The following RHOBTB2 variants were observed in gnomAD, a reference collection of about 807,000 sequenced individuals.
RHOBTB2 encodes Rho related BTB domain containing 2.
In RHOBTB2, 39 loss-of-function variants were observed where a neutral mutation model predicts 66.5. That is an observed-to-expected ratio of 0.59 (90% CI 0.45 to 0.77). RHOBTB2 has a LOEUF of 0.77. Ranked by LOEUF, RHOBTB2 falls within the 30% of genes least tolerant of loss-of-function variation. The pLI, the probability that RHOBTB2 is intolerant of heterozygous loss-of-function variation, is 0.00. For synonymous variants in RHOBTB2, 390 were observed against 395.0 expected (o/e 0.99, Z 0.15); for missense variants, 755 against 999.1 (o/e 0.76, Z 3.29).
the RHOBTB2 span, among the ~76,000 whole-genome samples, chr8:22,954,781 T>C: frequency 5.3e-4 from 80 of 152,316 alleles, no homozygotes; most frequent in African/African-American, 1.9e-3. Flanking sequence ...CCACAAACTG[T>C]ACCAAGGAAA....
chr8:23,017,624 A>C lies in RHOBTB2; in HGVS notation c.*155A>C. The C allele has an allele frequency of 8.0e-7, 1 of 1,251,178 alleles. No individual in the cohort carries two copies. The highest frequency in any genetic ancestry group is 1.1e-6 in the Non-Finnish European group (1 of 918,742). The allele number at this position is 1,251,178 out of a possible 1,614,324, so 77.5% of individuals were successfully genotyped here. On this transcript the variant is annotated 3_prime_UTR_variant, in exon 10 of 10. Coordinates refer to ENST00000251822, the MANE Select transcript of RHOBTB2 (RefSeq NM_015178.3). The surrounding 1 kb of genome is among the most constrained non-coding windows in gnomAD (Gnocchi z 5.3). ...CTCTTCTTACCAGCCACCGTGGCTC[A>C]GCCAGAGAGGAGCTGAGCCCTGTGG...
the RHOBTB2 span, among the ~76,000 whole-genome samples, chr8:22,974,925 A>G: frequency 2.0e-5 from 3 of 151,970 alleles, no homozygotes; most frequent in East Asian, 3.9e-4. Context: ...AAGCGCCCCA[A>G]TTGTCCCTCT....
At chr8:22,964,117 T>G in the RHOBTB2 span, among the ~76,000 whole-genome samples, 1 of 151,952 alleles carries the variant, frequency 6.6e-6, no homozygotes, top group Non-Finnish European at 1.5e-5. Flanking sequence ...GTTTTGTTTT[T>G]TTGTTTGTTT....
At chr8:23,008,205 A>G in intron 6 of RHOBTB2, 94 bp downstream of exon 6, 1 of 851,492 alleles carries the variant, frequency 1.2e-6, no homozygotes, top group Non-Finnish European at 1.9e-6. Context: ...TTCTTCACTG[A>G]CTGTGTGCTA....
chr8:22,995,796 TG>T, upstream of RHOBTB2: 6 of 1,517,578 alleles, frequency 4.0e-6, no homozygotes, highest in Non-Finnish European at 5.4e-6. Flanking sequence ...TGGCAGGGGA[TG>T]GGGGGCGGAG....
the RHOBTB2 span, among the ~76,000 whole-genome samples, chr8:22,970,183 G>T: frequency 2.0e-5 from 3 of 152,214 alleles, no homozygotes; most frequent in African/African-American, 4.8e-5. Flanking sequence ...CAAGATTAAG[G>T]CACCAGCAGG....
In RHOBTB2 at chr8:22,990,161, G is replaced by A. The variant is rs377233337; in HGVS notation, c.-136-1907G>A. 7.9e-5 allele frequency among the ~76,000 whole-genome samples: 12 copies of A among 152,218 alleles called. No individual in the cohort carries two copies. The East Asian group carries it at 1.9e-3, about 24-fold the overall frequency. On this transcript the variant is annotated intron_variant, in intron 1 of 11. Coordinates refer to the RHOBTB2 transcript ENST00000519685. ...CTCTTGCACAGGGTGTGGCACTAGC[G>A]AGAGCTTAACATGCATTTGATAAAT...
chr8:23,008,779 G>C (rs992637295), intron 6 of RHOBTB2, among the ~76,000 whole-genome samples: 2 of 152,140 alleles, frequency 1.3e-5, no homozygotes, highest in Non-Finnish European at 2.9e-5. Context: ...AATAATGTTA[G>C]CCGGCTCTGG....
intron 2 of RHOBTB2, among the ~76,000 whole-genome samples, chr8:22,993,437 C>G (rs1286788007): frequency 6.6e-6 from 1 of 152,088 alleles, no homozygotes; most frequent in African/African-American, 2.4e-5. Context: ...CCCCCTTTAC[C>G]CAGGGCATGG....
At position 23,002,733 on chromosome 8, in the gene RHOBTB2, G is replaced by T. The variant is rs112401714; in HGVS notation, c.-10-1692G>T. ...AAAAACGGTTGTCTGCTGAGGGAGG[G>T]TTAGGAGAGAGAAGGGGTGGTACAG... On this transcript the variant is annotated intron_variant, in intron 1 of 9. Coordinates refer to ENST00000251822, the MANE Select transcript of RHOBTB2 (RefSeq NM_015178.3). 7.4e-3 allele frequency among the ~76,000 whole-genome samples: 1,134 copies of T among 152,240 alleles called. 17 individuals are homozygous for T. Among genetic ancestry groups the T allele is most frequent in the Middle Eastern group, 0.027 (8 of 294 alleles).
chr8:22,971,695 C>T, the RHOBTB2 span, among the ~76,000 whole-genome samples: 2 of 152,180 alleles, frequency 1.3e-5, no homozygotes, highest in South Asian at 2.1e-4. Context: ...ATGCTCACCT[C>T]CTTCGGTGTA....
chr8:23,005,310 G>T, intron 2 of RHOBTB2, 62 bp from the exon 3 acceptor site: 1 of 1,245,650 alleles, frequency 8.0e-7, no homozygotes, highest in Non-Finnish European at 1.2e-6. Context: ...TTATCCTGAG[G>T]TGGCACGCAG....
the RHOBTB2 span, among the ~76,000 whole-genome samples, chr8:22,973,819 C>T: frequency 6.6e-6 from 1 of 152,160 alleles, no homozygotes; most frequent in East Asian, 1.9e-4. Flanking sequence ...GAGGTACCCT[C>T]CTTCCTGGAG....
the RHOBTB2 span, among the ~76,000 whole-genome samples, chr8:22,951,183 A>T: frequency 6.8e-4 from 100 of 147,244 alleles, no homozygotes; most frequent in African/African-American, 1.9e-3. Context: ...AGGTTTAAAA[A>T]TTTTTTTTTC....
rs569209375 is a variant in RHOBTB2 at position 22,988,719 on chromosome 8, C to G, written c.-137+1156C>G. Among the ~76,000 whole-genome samples the G allele has an allele frequency of 3.9e-5, 6 of 152,328 alleles. No individual in the cohort carries two copies. The East Asian group carries it at 9.6e-4, about 24-fold the overall frequency. On this transcript the variant is annotated intron_variant, in intron 1 of 11. Transcript: ENST00000519685. ...CAACAGAGACCCCCAACCACTCCCCCACCCACAACCCAGCCAGGCTGCTGT... is the reference window on the plus strand; with the variant it reads ...CAACAGAGACCCCCAACCACTCCCCGACCCACAACCCAGCCAGGCTGCTGT...
At chr8:22,965,937 A>G in the RHOBTB2 span, among the ~76,000 whole-genome samples, 1 of 152,246 alleles carries the variant, frequency 6.6e-6, no homozygotes, top group African/African-American at 2.4e-5. Context: ...CATGAAAATT[A>G]GAAACTTCTG....
chr8:22,964,962 G>A, the RHOBTB2 span, among the ~76,000 whole-genome samples: 1,339 of 151,868 alleles, frequency 8.8e-3, 19 homozygotes, highest in African/African-American at 0.03. Flanking sequence ...GATTACAGGC[G>A]CCCACCACCA....
At chr8:22,951,540 G>A in the RHOBTB2 span, among the ~76,000 whole-genome samples, 1 of 152,122 alleles carries the variant, frequency 6.6e-6, no homozygotes, top group East Asian at 1.9e-4. Context: ...AGGCGGTGGA[G>A]TTAGGAGCAA....
upstream of RHOBTB2, among the ~76,000 whole-genome samples, chr8:22,983,934 C>G (rs1389336169): frequency 6.6e-6 from 1 of 152,118 alleles, no homozygotes; most frequent in African/African-American, 2.4e-5. Context: ...CGGGGTTTCA[C>G]CATGTTGGCC....
Sources: allele counts gnomAD v4.1 joint callset (sites outside exome capture counted in the v4.1 genomes callset), GRCh38; gene constraint gnomAD v4.1.1; non-coding constraint Gnocchi (gnomAD v3.1); transcripts MANE v1.5; gene names NCBI Gene and HGNC (gene_info 2026-07-23, HGNC 2026-07-21).